IGF2BP3: variants seen among roughly 807,000 people sequenced by gnomAD.
The protein encoded by IGF2BP3 is insulin like growth factor 2 mRNA binding protein 3.
In IGF2BP3, 9 loss-of-function variants were observed where a neutral mutation model predicts 73.8. The observed-to-expected ratio is 0.12, with a 90% CI of 0.07 to 0.21. IGF2BP3 has a LOEUF of 0.21. IGF2BP3 is among the 10% of genes least tolerant of loss of function. The probability of loss-of-function intolerance (pLI) is 1.00; values close to 1 mark genes in which losing one functional copy is unlikely to be tolerated. For missense variants in IGF2BP3, 542 were observed against 714.0 expected (o/e 0.76, Z 2.75); for synonymous variants, 258 against 256.7 (o/e 1.01, Z -0.05).
intron 2 of IGF2BP3, among the ~76,000 whole-genome samples, chr7:23,452,164 C>A (rs1788216032): frequency 2.0e-5 from 3 of 151,872 alleles, no homozygotes; most frequent in Admixed American, 2.0e-4. Context: ...GCCACCACGC[C>A]CAGCTAATTT....
chr7:23,465,530 C>CCA (rs112914674), intron 2 of IGF2BP3, among the ~76,000 whole-genome samples: 1,857 of 151,890 alleles, frequency 0.012, 16 homozygotes, highest in South Asian at 0.034. Flanking sequence ...GGGTCCCCCC[C>CCA]CAAGCTCCAC....
chr7:23,346,006 A>G lies in IGF2BP3; in HGVS notation c.875T>C (p.Ile292Thr). ...TTTAAGATTTCTTCCTTCTTTACCAATAAGACGTCCAACAAAGTTATTATG... is the reference window on the plus strand; with the variant it reads ...TTTAAGATTTCTTCCTTCTTTACCAGTAAGACGTCCAACAAAGTTATTATG... ...LAHNNFVGRL[I>T]GKEGRNLKKI... The change falls in exon 8 of 15, where the codon ATT becomes ACT. Residue 292 changes from isoleucine to threonine, a missense_variant. Transcript: ENST00000258729. 1.9e-6 allele frequency: 3 copies of G among 1,613,778 alleles called. No individual in the cohort carries two copies. Among genetic ancestry groups the G allele is most frequent in the Non-Finnish European group, 2.5e-6 (3 of 1,179,974 alleles).
intron 2 of IGF2BP3, among the ~76,000 whole-genome samples, chr7:23,423,886 G>A (rs1584027726): frequency 6.6e-6 from 1 of 152,036 alleles, no homozygotes; most frequent in South Asian, 2.1e-4. Flanking sequence ...TTGGGAGGCC[G>A]AGGCAGGCAG....
At chr7:23,392,768 T>G (rs1393476078) in intron 3 of IGF2BP3, among the ~76,000 whole-genome samples, 3 of 152,082 alleles carry the variant, frequency 2.0e-5, no homozygotes, top group African/African-American at 7.2e-5. Flanking sequence ...TAGCTGGGAC[T>G]ACAGACGTGG....
chr7:23,361,878 C>T lies in IGF2BP3; in HGVS notation c.286-137G>A, dbSNP rs2128508199. On this transcript the variant is annotated intron_variant, in intron 3 of 14. Coordinates refer to ENST00000258729, the MANE Select transcript of IGF2BP3 (RefSeq NM_006547.3). The stretch of plus-strand genomic sequence containing the variant: ...TTATCTGGGGCTTTGGACTGCAGAA[C>T]TAAGGGATGGATACCACAAATATCA... The T allele has an allele frequency of 4.5e-6, 3 of 662,744 alleles. No homozygotes were observed. The Admixed American group carries it at 8.9e-5, about 20-fold the overall frequency. The allele number at this position is 662,744 out of a possible 1,614,324, so 41.1% of individuals were successfully genotyped here. A position where few individuals can be genotyped will look rare whatever the true frequency, so the allele number is the denominator to read the frequency against.
At chr7:23,355,616 G>C (rs1293161629) in intron 5 of IGF2BP3, among the ~76,000 whole-genome samples, 1 of 152,044 alleles carries the variant, frequency 6.6e-6, no homozygotes, top group Non-Finnish European at 1.5e-5. Flanking sequence ...TTGCCAGTTG[G>C]TAGAATTTAA....
chr7:23,336,949 A>G (rs1375842257), intron 10 of IGF2BP3, among the ~76,000 whole-genome samples: 1 of 152,052 alleles, frequency 6.6e-6, no homozygotes, highest in African/African-American at 2.4e-5. Flanking sequence ...CTCTGTCTCC[A>G]AAAGAAAAAA....
chr7:23,439,721 G>A (rs1344718759), intron 2 of IGF2BP3, among the ~76,000 whole-genome samples: 3 of 152,152 alleles, frequency 2.0e-5, no homozygotes, highest in Admixed American at 6.5e-5. Context: ...CTCAAAGGAA[G>A]AAAAACTCTT....
chr7:23,327,278 A>AT (rs11332587), intron 10 of IGF2BP3, among the ~76,000 whole-genome samples: 13 of 92,844 alleles, frequency 1.4e-4, no homozygotes, highest in South Asian at 3.6e-4. Flanking sequence ...CTAATTTCTA[A>AT]TTTTTTTTTT....
chr7:23,351,505 C>T lies in IGF2BP3; in HGVS notation c.483G>A (p.Gln161=), dbSNP rs1268939339. ...VAYIPDEMAA[Q]QNPLQQPRGR... is the part of the protein sequence containing the mutation. ...CTCGGGGCTGCTGCAAGGGGTTTTGCTGGGCGGCCATTTCATCAGGGATAT... is the reference window on the plus strand; with the variant it reads ...CTCGGGGCTGCTGCAAGGGGTTTTGTTGGGCGGCCATTTCATCAGGGATAT... The change falls in exon 6 of 15, where the codon CAG becomes CAA. Residue 161 remains glutamine, a synonymous_variant. Transcript: ENST00000258729. 2 of 1,613,952 alleles carry T rather than the reference C, an allele frequency of 1.2e-6. No homozygotes were observed. Among genetic ancestry groups the T allele is most frequent in the Non-Finnish European group, 1.7e-6 (2 of 1,180,010 alleles).
chr7:23,401,426 A>G (rs1786660159), intron 3 of IGF2BP3, among the ~76,000 whole-genome samples: 2 of 152,194 alleles, frequency 1.3e-5, no homozygotes, highest in African/African-American at 2.4e-5. Flanking sequence ...TCAAACTCAC[A>G]GTACAAAAAA....
intron 5 of IGF2BP3, among the ~76,000 whole-genome samples, chr7:23,352,278 ATTTTTTTTTTT>A (rs70966011): frequency 2.0e-4 from 15 of 73,766 alleles, no homozygotes; most frequent in East Asian, 4.7e-4. Context: ...TCTCTTTTTC[ATTTTTTTTTTT>A]TTTTTTTTTT....
At chr7:23,422,096 A>G (rs1787365575) in intron 2 of IGF2BP3, among the ~76,000 whole-genome samples, 1 of 152,086 alleles carries the variant, frequency 6.6e-6, no homozygotes, top group South Asian at 2.1e-4. Flanking sequence ...TGTTTTAATC[A>G]AGTATCTAAC....
At chr7:23,337,619 TGGCCAACATGA>T (rs1234509470) in intron 10 of IGF2BP3, among the ~76,000 whole-genome samples, 2 of 152,378 alleles carry the variant, frequency 1.3e-5, no homozygotes, top group African/African-American at 4.8e-5. Flanking sequence ...TGGTATGTTC[TGGCCAACATGA>T]GGCAAACAGA....
chr7:23,422,841 G>A (rs1246737332), intron 2 of IGF2BP3, among the ~76,000 whole-genome samples: 1 of 152,156 alleles, frequency 6.6e-6, no homozygotes, highest in Non-Finnish European at 1.5e-5. Context: ...TCTCACCCAG[G>A]CTGGAGTATA....
intron 12 of IGF2BP3, among the ~76,000 whole-genome samples, chr7:23,316,751 A>T (rs1350966917): frequency 1.3e-5 from 2 of 152,010 alleles, no homozygotes; most frequent in African/African-American, 4.8e-5. Flanking sequence ...ACAGCCACTA[A>T]ATGTTCTAAG....
rs191131384 is a variant in IGF2BP3 at position 23,342,708 on chromosome 7, G to A, written c.1078-519C>T. Among the ~76,000 whole-genome samples, 79 of 152,306 alleles carry A rather than the reference G, an allele frequency of 5.2e-4. 1 individual carries two copies. The highest frequency in any genetic ancestry group is 1.2e-3 in the Admixed American group (19 of 15,294). On this transcript the variant is annotated intron_variant, in intron 9 of 14. Coordinates refer to ENST00000258729, the MANE Select transcript of IGF2BP3 (RefSeq NM_006547.3). Reference sequence around the variant, plus strand: ...ACTACTGCAAGTAAACATATCACTGGAATGGAAATAGGAGCCAGAAAGGGT... The same window carrying A: ...ACTACTGCAAGTAAACATATCACTGAAATGGAAATAGGAGCCAGAAAGGGT...
chr7:23,448,601 C>T (rs1276300856), intron 2 of IGF2BP3, among the ~76,000 whole-genome samples: 1 of 150,596 alleles, frequency 6.6e-6, no homozygotes, highest in Non-Finnish European at 1.5e-5. Flanking sequence ...GAGGGTCTCA[C>T]TATGTTGCCC....
intron 6 of IGF2BP3, among the ~76,000 whole-genome samples, chr7:23,350,943 T>C (rs1288005779): frequency 6.6e-6 from 1 of 152,116 alleles, no homozygotes; most frequent in African/African-American, 2.4e-5. Flanking sequence ...ATAAAATGGA[T>C]TGGACCCAGA....
Sources: gnomAD v4.1 joint callset for allele counts (sites outside exome capture counted in the v4.1 genomes callset) on GRCh38, gnomAD v4.1.1 for gene constraint, MANE v1.5 for transcripts, NCBI Gene and HGNC (gene_info 2026-07-23, HGNC 2026-07-21) for gene names.